The following PRP4K variants were observed in gnomAD, a reference collection of about 807,000 sequenced individuals.
PRP4K encodes serine/threonine-protein kinase PRP4 homolog.
At chr6:4,037,689 C>G in the PRP4K span, 1 of 935,084 alleles carries the variant, frequency 1.1e-6, no homozygotes, top group Non-Finnish European at 1.5e-6. Flanking sequence ...GTTGTGTTCC[C>G]ATAGTTTCCT....
the PRP4K span, among the ~76,000 whole-genome samples, chr6:4,055,733 G>GT: frequency 6.6e-6 from 1 of 152,170 alleles, no homozygotes; most frequent in Non-Finnish European, 1.5e-5. Flanking sequence ...TAGAGTTCAT[G>GT]TTTATCAGTT....
the PRP4K span, among the ~76,000 whole-genome samples, chr6:4,023,952 G>T: frequency 6.6e-6 from 1 of 150,972 alleles, no homozygotes. Flanking sequence ...CTGAAACCTT[G>T]GACTCCCTGG....
the PRP4K span, among the ~76,000 whole-genome samples, chr6:4,059,197 A>G: frequency 7.2e-5 from 11 of 152,254 alleles, no homozygotes; most frequent in East Asian, 1.7e-3. Flanking sequence ...AATAATATTT[A>G]AGTTCCTCAG....
At chr6:4,028,179 A>G in the PRP4K span, among the ~76,000 whole-genome samples, 3 of 152,098 alleles carry the variant, frequency 2.0e-5, no homozygotes, top group African/African-American at 4.8e-5. Flanking sequence ...TAATAAAACA[A>G]TGATGGTGTT....
the PRP4K span, chr6:4,032,092 C>T: frequency 2.5e-6 from 4 of 1,613,492 alleles, no homozygotes; most frequent in African/African-American, 5.3e-5. Flanking sequence ...AAAGAACGGA[C>T]TAGACATAGG....
the PRP4K span, among the ~76,000 whole-genome samples, chr6:4,036,193 T>G: frequency 1.1e-3 from 165 of 152,270 alleles, 2 homozygotes; most frequent in Non-Finnish European, 4.4e-4. Flanking sequence ...ACTTGTGTGA[T>G]AAGTGTTGAA....
the PRP4K span, chr6:4,052,968 A>G: frequency 2.5e-6 from 3 of 1,193,284 alleles, no homozygotes; most frequent in Non-Finnish European, 3.4e-6. Flanking sequence ...GACATCTTAG[A>G]AGCATAGTTC....
At chr6:4,057,664 C>T in the PRP4K span, among the ~76,000 whole-genome samples, 1 of 151,678 alleles carries the variant, frequency 6.6e-6, no homozygotes, top group Non-Finnish European at 1.5e-5. Flanking sequence ...TAACTCACCG[C>T]TGATACTTCA....
chr6:4,053,903 T>TTTTTTG, the PRP4K span, among the ~76,000 whole-genome samples: 2 of 149,392 alleles, frequency 1.3e-5, no homozygotes, highest in Admixed American at 1.3e-4. Context: ...TCTTTTGTTT[T>TTTTTTG]TTTTGTTTTG....
the PRP4K span, chr6:4,037,595 T>C: frequency 6.3e-7 from 1 of 1,598,062 alleles, no homozygotes; most frequent in Non-Finnish European, 8.5e-7. Context: ...TCCTTGTGAT[T>C]CATTAAACTC....
the PRP4K span, among the ~76,000 whole-genome samples, chr6:4,039,691 G>A: frequency 2.0e-5 from 3 of 152,172 alleles, no homozygotes; most frequent in South Asian, 4.2e-4. Flanking sequence ...GATTTACCTT[G>A]TGTGTTCATG....
chr6:4,056,432 A>G, the PRP4K span: 1 of 1,613,470 alleles, frequency 6.2e-7, no homozygotes, highest in African/African-American at 1.3e-5. Context: ...TGCTCCTGAA[A>G]TCAGTAAGTT....
chr6:4,021,598 G>T, the PRP4K span: 3 of 1,275,050 alleles, frequency 2.4e-6, no homozygotes, highest in Non-Finnish European at 3.3e-6. Flanking sequence ...GATTCGTTGT[G>T]GGGTGGGAGG....
chr6:4,054,532 C>T, the PRP4K span, among the ~76,000 whole-genome samples: 1 of 152,104 alleles, frequency 6.6e-6, no homozygotes, highest in Admixed American at 6.5e-5. Context: ...TTATGAGACA[C>T]AGCCTTGCCC....
the PRP4K span, among the ~76,000 whole-genome samples, chr6:4,057,570 A>G: frequency 2.0e-5 from 3 of 152,200 alleles, no homozygotes; most frequent in African/African-American, 4.8e-5. Context: ...GAGGAACTTG[A>G]TGTTAATTAA....
chr6:4,026,968 C>T, the PRP4K span, among the ~76,000 whole-genome samples: 129 of 152,202 alleles, frequency 8.5e-4, no homozygotes, highest in African/African-American at 3.0e-3. Context: ...GTCCCACGTA[C>T]CTGAGATGTG....
chr6:4,048,005 C>T, the PRP4K span, among the ~76,000 whole-genome samples: 2 of 151,526 alleles, frequency 1.3e-5, no homozygotes, highest in Non-Finnish European at 2.9e-5. Context: ...AGTATTGACC[C>T]AGTTTTGGTG....
At chr6:4,056,930 G>GT in the PRP4K span, 1 of 1,199,240 alleles carries the variant, frequency 8.3e-7, no homozygotes. Context: ...GAAGATTGTG[G>GT]TTATAGTCCA....
chr6:4,023,760 C>T, the PRP4K span, among the ~76,000 whole-genome samples: 2 of 152,148 alleles, frequency 1.3e-5, no homozygotes, highest in Non-Finnish European at 2.9e-5. Context: ...GTCACCCAGA[C>T]TGGAGTACAG....
Sources: allele counts gnomAD v4.1 joint callset (sites outside exome capture counted in the v4.1 genomes callset), GRCh38; gene constraint gnomAD v4.1.1; transcripts MANE v1.5; gene names NCBI Gene and HGNC (gene_info 2026-07-23, HGNC 2026-07-21).